The following CLSTN2 variants were observed in gnomAD, a reference collection of about 807,000 sequenced individuals.
CLSTN2 encodes calsyntenin-2.
Under a neutral mutation model 101.2 loss-of-function variants are expected in CLSTN2, and 48 were observed. The ratio of observed to expected loss-of-function variants is 0.47; its 90% CI spans 0.38 to 0.60. The LOEUF (loss-of-function observed/expected upper bound fraction) is 0.60. CLSTN2 is among the 20% of genes least tolerant of loss of function. CLSTN2 has a pLI of 0.00. For synonymous variants in CLSTN2, 481 were observed against 463.6 expected (o/e 1.04, Z -0.48); for missense variants, 1,160 against 1,238.2 (o/e 0.94, Z 0.95).
At chr3:140,096,705 A>G (rs2008874804) in intron 1 of CLSTN2, among the ~76,000 whole-genome samples, 1 of 152,216 alleles carries the variant, frequency 6.6e-6, no homozygotes, top group African/African-American at 2.4e-5. Flanking sequence ...TGTGGCCCAT[A>G]TGGGAAGCCT....
At chr3:140,475,810 C>T (rs180676693) in intron 8 of CLSTN2, among the ~76,000 whole-genome samples, 208 of 152,304 alleles carry the variant, frequency 1.4e-3, no homozygotes, top group Non-Finnish European at 2.4e-3. Context: ...GCAATGAATG[C>T]ATGTTTTCAG....
At chr3:140,325,662 GC>G (rs2087325717) in intron 2 of CLSTN2, among the ~76,000 whole-genome samples, 1 of 152,172 alleles carries the variant, frequency 6.6e-6, no homozygotes, top group Non-Finnish European at 1.5e-5. Context: ...TTAGGTCATA[GC>G]CTGTTCCTCT....
intron 2 of CLSTN2, among the ~76,000 whole-genome samples, chr3:140,394,138 G>C (rs1169462715): frequency 6.6e-6 from 1 of 152,146 alleles, no homozygotes; most frequent in Admixed American, 6.5e-5. Flanking sequence ...CTTTTTATAA[G>C]TCATTCAACC....
At chr3:140,010,990 A>G (rs1416489927) in intron 1 of CLSTN2, among the ~76,000 whole-genome samples, 1 of 152,174 alleles carries the variant, frequency 6.6e-6, no homozygotes, top group East Asian at 1.9e-4. Flanking sequence ...GAGCATCAGT[A>G]GAGGGGTGGA....
intron 1 of CLSTN2, among the ~76,000 whole-genome samples, chr3:139,963,583 T>A (rs1197225808): frequency 6.6e-6 from 1 of 152,232 alleles, no homozygotes; most frequent in Non-Finnish European, 1.5e-5. Context: ...TCTGTACTAG[T>A]CTTTCCAAAT....
intron 1 of CLSTN2, among the ~76,000 whole-genome samples, chr3:140,146,952 C>T (rs1308848885): frequency 6.6e-6 from 1 of 152,188 alleles, no homozygotes; most frequent in Non-Finnish European, 1.5e-5. Flanking sequence ...GTTTCAAACA[C>T]TGGATATACA....
At chr3:139,995,981 AC>A (rs1310300931) in intron 1 of CLSTN2, among the ~76,000 whole-genome samples, 4 of 152,232 alleles carry the variant, frequency 2.6e-5, no homozygotes, top group African/African-American at 9.6e-5. Context: ...ACACTTGTGA[AC>A]CTATAGCTCA....
chr3:140,441,326 T>C (rs1394089238), intron 5 of CLSTN2, among the ~76,000 whole-genome samples: 1 of 152,174 alleles, frequency 6.6e-6, no homozygotes, highest in Non-Finnish European at 1.5e-5. Context: ...CCAGGAATAG[T>C]CCTTTCCTTG....
At chr3:140,126,637 A>T (rs2009438096) in intron 1 of CLSTN2, among the ~76,000 whole-genome samples, 1 of 152,192 alleles carries the variant, frequency 6.6e-6, no homozygotes, top group South Asian at 2.1e-4. Context: ...AGGGAGACAC[A>T]GTGGGTAGTA....
chr3:140,276,558 C>A (rs2086797115), intron 2 of CLSTN2, among the ~76,000 whole-genome samples: 1 of 152,056 alleles, frequency 6.6e-6, no homozygotes, highest in Admixed American at 6.6e-5. Flanking sequence ...CACAGGAGAA[C>A]ACAAAATAGG....
At chr3:140,515,016 G>A (rs1262850778) in intron 8 of CLSTN2, among the ~76,000 whole-genome samples, 1 of 151,898 alleles carries the variant, frequency 6.6e-6, no homozygotes, top group Non-Finnish European at 1.5e-5. Context: ...GACTTTTTTT[G>A]TTGGCTATTA....
intron 4 of CLSTN2, among the ~76,000 whole-genome samples, chr3:140,411,637 T>G (rs2088364699): frequency 1.3e-5 from 2 of 152,236 alleles, no homozygotes; most frequent in Non-Finnish European, 2.9e-5. Context: ...TGGAACATTC[T>G]CCAGGAAGAT....
chr3:140,391,358 AC>A (rs2088111594), intron 2 of CLSTN2, among the ~76,000 whole-genome samples: 1 of 84,042 alleles, frequency 1.2e-5, no homozygotes, highest in South Asian at 4.3e-4. Flanking sequence ...AGAGCCCTTC[AC>A]TATTTGCGTG....
intron 8 of CLSTN2, among the ~76,000 whole-genome samples, chr3:140,469,024 C>T (rs1333259397): frequency 6.6e-6 from 1 of 152,142 alleles, no homozygotes; most frequent in Non-Finnish European, 1.5e-5. Context: ...CTCTTCCTAG[C>T]TTTTAGAGGG....
intron 2 of CLSTN2, among the ~76,000 whole-genome samples, chr3:140,240,106 A>G (rs1174099767): frequency 1.4e-5 from 2 of 142,090 alleles, no homozygotes; most frequent in African/African-American, 2.6e-5. Context: ...AGCTCTGGCC[A>G]TAAAGCTATA....
chr3:140,248,523 C>T (rs1406746004), intron 2 of CLSTN2, among the ~76,000 whole-genome samples: 1 of 152,174 alleles, frequency 6.6e-6, no homozygotes, highest in South Asian at 2.1e-4. Flanking sequence ...GAGATTCACT[C>T]TGGGAGCTTC....
At chr3:140,176,724 C>T (rs2010331269) in intron 2 of CLSTN2, among the ~76,000 whole-genome samples, 2 of 152,284 alleles carry the variant, frequency 1.3e-5, no homozygotes, top group Non-Finnish European at 2.9e-5. Flanking sequence ...TGGATTTTGG[C>T]AAAGAGAAGG....
chr3:140,233,612 A>G (rs1301346192), intron 2 of CLSTN2, among the ~76,000 whole-genome samples: 1 of 152,212 alleles, frequency 6.6e-6, no homozygotes, highest in East Asian at 1.9e-4. Flanking sequence ...ATCTAACAGG[A>G]ATTTGATATT....
intron 8 of CLSTN2, among the ~76,000 whole-genome samples, chr3:140,487,853 C>A (rs1337065880): frequency 6.6e-6 from 1 of 152,184 alleles, no homozygotes. Context: ...AAGGCTATAG[C>A]TATTTGGACA....
Sources: allele counts gnomAD v4.1 joint callset (sites outside exome capture counted in the v4.1 genomes callset), GRCh38; gene constraint gnomAD v4.1.1; transcripts MANE v1.5; gene names NCBI Gene and HGNC (gene_info 2026-07-23, HGNC 2026-07-21).